The following HSD17B12 variants were observed in gnomAD, a reference collection of about 807,000 sequenced individuals.
HSD17B12 encodes hydroxysteroid 17-beta dehydrogenase 12.
HSD17B12 carries 32 observed loss-of-function variants against 39.3 expected under a neutral mutation model. The ratio of observed to expected loss-of-function variants is 0.81; its 90% CI spans 0.61 to 1.09. HSD17B12 has a LOEUF of 1.09. Among genes scored for constraint, HSD17B12 ranks in the 50% least tolerant of loss-of-function variants. The probability of loss-of-function intolerance (pLI) is 0.00; values close to 1 mark genes in which losing one functional copy is unlikely to be tolerated. For missense variants in HSD17B12, 342 were observed against 382.9 expected, an observed-to-expected ratio of 0.89 and a Z score of 0.89; for synonymous variants, 150 against 146.7, an observed-to-expected ratio of 1.02 and a Z score of -0.16.
the HSD17B12 span, among the ~76,000 whole-genome samples, chr11:43,627,929 TTAAAA>T: frequency 6.6e-6 from 1 of 152,026 alleles, no homozygotes; most frequent in East Asian, 1.9e-4. Flanking sequence ...AGTATGCCAC[TTAAAA>T]TAAATATTAC....
intron 1 of HSD17B12, among the ~76,000 whole-genome samples, chr11:43,684,784 A>G (rs552427826): frequency 6.5e-4 from 99 of 152,352 alleles, no homozygotes; most frequent in African/African-American, 2.3e-3. Flanking sequence ...TTGTGCAACC[A>G]TCATCAAATC....
chr11:43,651,038 A>G, the HSD17B12 span, among the ~76,000 whole-genome samples: 3 of 152,336 alleles, frequency 2.0e-5, no homozygotes, highest in Admixed American at 6.5e-5. Flanking sequence ...GTAATGTGCT[A>G]TGCATCAGAT....
chr11:43,652,063 A>G, the HSD17B12 span, among the ~76,000 whole-genome samples: 10 of 152,330 alleles, frequency 6.6e-5, no homozygotes, highest in South Asian at 8.3e-4. Flanking sequence ...CAACTCTTCA[A>G]ATGGATCTAT....
chr11:43,735,457 C>A (rs1351230646), intron 1 of HSD17B12, among the ~76,000 whole-genome samples: 7 of 152,172 alleles, frequency 4.6e-5, no homozygotes, highest in Non-Finnish European at 8.8e-5. Flanking sequence ...AAATTACGGT[C>A]AACCTAGTGT....
the HSD17B12 span, among the ~76,000 whole-genome samples, chr11:43,589,726 G>T: frequency 1.7e-4 from 26 of 152,132 alleles, no homozygotes; most frequent in African/African-American, 6.0e-4. Context: ...GCTGTTTAAG[G>T]CAAGAATGAT....
the HSD17B12 span, among the ~76,000 whole-genome samples, chr11:43,667,649 C>A: frequency 1.4e-4 from 22 of 152,188 alleles, no homozygotes; most frequent in South Asian, 4.4e-3. Context: ...AATCTAAACA[C>A]GAAATTCATT....
chr11:43,815,656 C>A (rs1258237493), intron 5 of HSD17B12, among the ~76,000 whole-genome samples, 155 bp downstream of exon 5: 2 of 152,158 alleles, frequency 1.3e-5, no homozygotes, highest in African/African-American at 2.4e-5. Flanking sequence ...CCTAGCCATA[C>A]TTAGTCTCAG....
chr11:43,737,707 C>G (rs562969498), intron 1 of HSD17B12, among the ~76,000 whole-genome samples: 1 of 152,188 alleles, frequency 6.6e-6, no homozygotes, highest in Admixed American at 6.5e-5. Context: ...CTAACTTATC[C>G]ACGTATTTCA....
At chr11:43,666,237 T>TC in the HSD17B12 span, among the ~76,000 whole-genome samples, 1 of 152,202 alleles carries the variant, frequency 6.6e-6, no homozygotes, top group South Asian at 2.1e-4. Context: ...AGGGTCTTAC[T>TC]CTATCACCCA....
the HSD17B12 span, among the ~76,000 whole-genome samples, chr11:43,607,279 A>AGT: frequency 0.25 from 36,663 of 145,128 alleles, 4,579 homozygotes; most frequent in Middle Eastern, 0.32. Flanking sequence ...TGTGCTCCTG[A>AGT]GTGTGTGTGT....
intron 3 of HSD17B12, among the ~76,000 whole-genome samples, chr11:43,766,002 T>C (rs1433462793): frequency 6.6e-6 from 1 of 152,152 alleles, no homozygotes. Flanking sequence ...ATTTTTTGTA[T>C]TTTTAGTAGA....
chr11:43,632,588 AC>A, the HSD17B12 span, among the ~76,000 whole-genome samples: 2 of 152,184 alleles, frequency 1.3e-5, no homozygotes, highest in African/African-American at 4.8e-5. Flanking sequence ...GAGGTGGCCA[AC>A]AAACTAACTT....
At chr11:43,692,115 G>A (rs188249199) in intron 1 of HSD17B12, among the ~76,000 whole-genome samples, 6 of 152,298 alleles carry the variant, frequency 3.9e-5, no homozygotes, top group East Asian at 1.9e-4. Context: ...ATGTGTGCAT[G>A]TATCACTTCA....
intron 2 of HSD17B12, among the ~76,000 whole-genome samples, chr11:43,752,724 A>AG (rs1204534302): frequency 3.3e-5 from 5 of 151,722 alleles, no homozygotes; most frequent in Admixed American, 6.6e-5. Context: ...AAAAAAAAAA[A>AG]TAAGTGATTT....
chr11:43,750,883 T>G (rs756183192), intron 1 of HSD17B12, 28 bp from the exon 2 acceptor site: 1 of 1,567,852 alleles, frequency 6.4e-7, no homozygotes, highest in Non-Finnish European at 8.7e-7. Flanking sequence ...ATTCTTAGAC[T>G]AAACTATTGC....
rs182244760 is a variant in HSD17B12, at chr11:43,704,563, A to G, written c.160+23576A>G. Among the ~76,000 whole-genome samples the G allele has an allele frequency of 3.3e-4, 51 of 152,336 alleles. 1 individual carries two copies. The highest frequency in any genetic ancestry group is 6.2e-4 in the South Asian group (3 of 4,830). On this transcript the variant is annotated intron_variant, in intron 1 of 10. Transcript: ENST00000278353. ...CTTGTTGACAGAATCCCACATTTGT[A>G]TAGGTACTGTGTAATCATATGCTTC...
intron 1 of HSD17B12, chr11:43,681,195 ACTGCTCGCTCAATC>A: frequency 7.5e-7 from 1 of 1,331,452 alleles, no homozygotes; most frequent in Non-Finnish European, 9.7e-7. Context: ...TACGAAATAC[ACTGCTCGCTCAATC>A]CTGGGAATCT....
the HSD17B12 span, among the ~76,000 whole-genome samples, chr11:43,653,825 AG>A: frequency 6.6e-6 from 1 of 152,140 alleles, no homozygotes; most frequent in East Asian, 1.9e-4. Flanking sequence ...CTTGGTTCCA[AG>A]TCTTTGCTAT....
intron 1 of HSD17B12, among the ~76,000 whole-genome samples, chr11:43,728,062 GT>G (rs1204915405): frequency 6.6e-6 from 1 of 151,254 alleles, no homozygotes. Flanking sequence ...TTTTTTGTTT[GT>G]TTTTTGTTTT....
Sources: gnomAD v4.1 joint callset for allele counts (sites outside exome capture counted in the v4.1 genomes callset) on GRCh38, gnomAD v4.1.1 for gene constraint, MANE v1.5 for transcripts, NCBI Gene and HGNC (gene_info 2026-07-23, HGNC 2026-07-21) for gene names.